GGTA1: variants seen among roughly 807,000 people sequenced by gnomAD.
The protein encoded by GGTA1 is inactive N-acetyllactosaminide alpha-1,3-galactosyltransferase.
Under a neutral mutation model 2.6 loss-of-function variants are expected in GGTA1, and 5 were observed. The observed-to-expected ratio is 1.92, with a 90% CI of 1.00 to 4.04. The LOEUF (loss-of-function observed/expected upper bound fraction) is 4.04, where lower values mean the gene tolerates loss of function less well. Ranked by LOEUF, GGTA1 falls within the 30% of genes most tolerant of loss-of-function variation. GGTA1 has a pLI of 0.00. For missense variants in GGTA1, 50 were observed against 16.7 expected (o/e 2.99, Z -3.47); for synonymous variants, 17 against 5.0 (o/e 3.38, Z -3.19).
chr9:121,493,716 C>T (rs1828922862), intron 1 of GGTA1, among the ~76,000 whole-genome samples: 1 of 151,080 alleles, frequency 6.6e-6, no homozygotes, highest in African/African-American at 2.4e-5. Flanking sequence ...TCCTGGATAC[C>T]CCATCCTCCT....
intron 3 of GGTA1, among the ~76,000 whole-genome samples, chr9:121,462,038 G>C (rs10120537): frequency 8.5e-5 from 13 of 152,184 alleles, no homozygotes; most frequent in East Asian, 7.7e-4. Flanking sequence ...TCTTCAAGGT[G>C]GGGGGTCGGG....
chr9:121,474,641 G>A (rs941262044), intron 1 of GGTA1, among the ~76,000 whole-genome samples: 1 of 152,104 alleles, frequency 6.6e-6, no homozygotes, highest in African/African-American at 2.4e-5. Context: ...GCGAAGTCAA[G>A]GTAATTCGTT....
intron 5 of GGTA1, among the ~76,000 whole-genome samples, chr9:121,458,435 T>C (rs1015405388): frequency 1.3e-5 from 2 of 151,256 alleles, no homozygotes; most frequent in African/African-American, 4.8e-5. Context: ...AAGACCAGCC[T>C]GGGCAACATG....
chr9:121,495,624 C>T (rs948279520), intron 1 of GGTA1, among the ~76,000 whole-genome samples: 3 of 152,186 alleles, frequency 2.0e-5, no homozygotes, highest in African/African-American at 7.2e-5. Context: ...AGCTTGCCTA[C>T]CCTCCACTCC....
At chr9:121,452,528 A>T (rs1057109004), downstream of GGTA1, among the ~76,000 whole-genome samples, 5 of 148,350 alleles carry the variant, frequency 3.4e-5, no homozygotes, top group East Asian at 2.0e-4. Flanking sequence ...TTTATTTTTT[A>T]TTTTTTTTTA....
At chr9:121,498,122 A>G (rs1288067911) in intron 1 of GGTA1, among the ~76,000 whole-genome samples, 2 of 152,258 alleles carry the variant, frequency 1.3e-5, no homozygotes, top group Non-Finnish European at 2.9e-5. Flanking sequence ...TAAAGGAAGA[A>G]CAGAACTGGT....
intron 1 of GGTA1, among the ~76,000 whole-genome samples, chr9:121,497,864 G>C (rs975800742): frequency 1.3e-5 from 2 of 152,194 alleles, no homozygotes; most frequent in African/African-American, 4.8e-5. Context: ...TGGAGTTGGA[G>C]TGTAGGAGAG....
At chr9:121,492,150 A>G (rs1340175815) in intron 1 of GGTA1, among the ~76,000 whole-genome samples, 1 of 152,168 alleles carries the variant, frequency 6.6e-6, no homozygotes, top group Admixed American at 6.5e-5. Flanking sequence ...CTGGTGTCCA[A>G]ATTGGCAAGA....
chr9:121,484,473 G>T (rs1487708308), intron 1 of GGTA1, among the ~76,000 whole-genome samples: 1 of 151,908 alleles, frequency 6.6e-6, no homozygotes, highest in South Asian at 2.1e-4. Context: ...TAGTAGAGAC[G>T]GGGTTTCACC....
chr9:121,485,935 C>T (rs1828746254), intron 1 of GGTA1, among the ~76,000 whole-genome samples: 1 of 152,170 alleles, frequency 6.6e-6, no homozygotes, highest in Non-Finnish European at 1.5e-5. Flanking sequence ...AAAACAACAA[C>T]ACCACCACCA....
intron 1 of GGTA1, among the ~76,000 whole-genome samples, chr9:121,488,838 G>A (rs1828815025): frequency 6.6e-6 from 1 of 152,192 alleles, no homozygotes; most frequent in African/African-American, 2.4e-5. Context: ...GAACCCAGGA[G>A]GCAGAGGTTG....
chr9:121,454,184 C>A (rs1255269100), downstream of GGTA1, among the ~76,000 whole-genome samples: 1 of 152,240 alleles, frequency 6.6e-6, no homozygotes, highest in East Asian at 1.9e-4. Flanking sequence ...GGTACGCCTG[C>A]TGCATGGAGG....
At chr9:121,487,607 T>C (rs1259946926) in intron 1 of GGTA1, among the ~76,000 whole-genome samples, 1 of 136,614 alleles carries the variant, frequency 7.3e-6, no homozygotes, top group East Asian at 2.3e-4. Flanking sequence ...AGCTAAAGAA[T>C]CAAACCTACA....
chr9:121,450,802 TAGAG>T (rs1422514469), downstream of GGTA1, among the ~76,000 whole-genome samples: 1 of 152,220 alleles, frequency 6.6e-6, no homozygotes, highest in Admixed American at 6.5e-5. Context: ...CTTTCTCTGT[TAGAG>T]AGACCACATA....
chr9:121,461,374 G>C (rs1025044200), intron 3 of GGTA1, 57 bp from the exon 4 acceptor site: 1 of 428,238 alleles, frequency 2.3e-6, no homozygotes, highest in African/African-American at 2.1e-5. Context: ...CCCAAACTTA[G>C]GGTTTCCAAA....
At chr9:121,456,901 G>A (rs1177788865) in intron 5 of GGTA1, among the ~76,000 whole-genome samples, 1 of 151,958 alleles carries the variant, frequency 6.6e-6, no homozygotes, top group Non-Finnish European at 1.5e-5. Context: ...TGAACTTCTG[G>A]ACACAAGCAA....
At chr9:121,464,979 G>A (rs1047802869) in intron 2 of GGTA1, among the ~76,000 whole-genome samples, 20 of 137,632 alleles carry the variant, frequency 1.5e-4, no homozygotes, top group African/African-American at 4.6e-4. Context: ...TGGCCAATTC[G>A]TAAAGTGGCA....
chr9:121,485,197 C>G (rs1828734171), intron 1 of GGTA1, among the ~76,000 whole-genome samples: 1 of 152,176 alleles, frequency 6.6e-6, no homozygotes, highest in South Asian at 2.1e-4. Context: ...ACGGGTCTGC[C>G]TGCCAGGGTG....
chr9:121,448,696 A>G (rs748789418), intron 7 of GGTA1, among the ~76,000 whole-genome samples: 8 of 152,190 alleles, frequency 5.3e-5, no homozygotes, highest in African/African-American at 1.4e-4. Context: ...AAATTGCGCC[A>G]AAAGTACAGA....
Sources: allele counts gnomAD v4.1 joint callset (sites outside exome capture counted in the v4.1 genomes callset), GRCh38; gene constraint gnomAD v4.1.1; transcripts MANE v1.5; gene names NCBI Gene and HGNC (gene_info 2026-07-23, HGNC 2026-07-21).